PDE6A: variants seen among roughly 807,000 people sequenced by gnomAD.
PDE6A encodes the protein phosphodiesterase 6A.
PDE6A carries 84 observed loss-of-function variants against 106.3 expected under a neutral mutation model. The observed-to-expected ratio is 0.79, with a 90% CI of 0.66 to 0.95. The LOEUF (loss-of-function observed/expected upper bound fraction) is 0.95. Ranked by LOEUF, PDE6A falls within the 40% of genes least tolerant of loss-of-function variation. The pLI is 0.00. For synonymous variants in PDE6A, 394 were observed against 386.6 expected, an observed-to-expected ratio of 1.02 and a Z score of -0.23; for missense variants, 1,052 against 1,084.9, an observed-to-expected ratio of 0.97 and a Z score of 0.43.
intron 1 of PDE6A, chr5:149,939,925 C>G (rs1249169069): frequency 6.8e-6 from 1 of 147,664 alleles, no homozygotes; most frequent in Non-Finnish European, 1.5e-5. Context: ...CTGGCTGAAC[C>G]AACTAGTTAA....
intron 19 of PDE6A, chr5:149,867,165 C>A: frequency 5.2e-6 from 1 of 190,792 alleles, no homozygotes; most frequent in Non-Finnish European, 1.1e-5. Flanking sequence ...TTTCCAAACC[C>A]TGCTTTACTT....
intron 5 of PDE6A, among the ~76,000 whole-genome samples, chr5:149,916,653 C>T (rs1284513547): frequency 6.6e-6 from 1 of 152,210 alleles, no homozygotes; most frequent in African/African-American, 2.4e-5. Flanking sequence ...ATTCCCCTAG[C>T]TCTCCAGGGG....
intron 4 of PDE6A, among the ~76,000 whole-genome samples, chr5:149,928,496 A>G (rs1753937144): frequency 6.6e-6 from 1 of 151,776 alleles, no homozygotes; most frequent in African/African-American, 2.4e-5. Context: ...TCGGCCTCCC[A>G]AAGTGTTGGG....
intron 4 of PDE6A, among the ~76,000 whole-genome samples, chr5:149,929,575 C>G (rs1007891038): frequency 6.6e-6 from 1 of 150,916 alleles, no homozygotes; most frequent in African/African-American, 2.5e-5. Context: ...CCACTGCACT[C>G]CAGCCTGGGT....
intron 17 of PDE6A, among the ~76,000 whole-genome samples, chr5:149,868,831 C>T (rs1027925581): frequency 5.9e-5 from 9 of 152,110 alleles, no homozygotes; most frequent in Non-Finnish European, 7.3e-5. Context: ...CCATTGGAGG[C>T]AATATACTCC....
intron 15 of PDE6A, 83 bp from the exon 16 acceptor site, chr5:149,884,662 A>G (rs1581166722): frequency 1.4e-6 from 2 of 1,411,470 alleles, no homozygotes; most frequent in East Asian, 4.6e-5. Context: ...ACCCCAGATG[A>G]TGGCAGAGGC....
intron 5 of PDE6A, among the ~76,000 whole-genome samples, chr5:149,917,015 G>A (rs1415865944): frequency 6.6e-6 from 1 of 151,440 alleles, no homozygotes; most frequent in African/African-American, 2.4e-5. Context: ...GACTGAGTTA[G>A]ATCAGGTCTG....
chr5:149,913,172 A>G, intron 6 of PDE6A, among the ~76,000 whole-genome samples: 1 of 152,184 alleles, frequency 6.6e-6, no homozygotes, highest in East Asian at 1.9e-4. Flanking sequence ...ACTTGAGGTC[A>G]GGAGTTTGAG....
At chr5:149,923,802 T>C (rs1753801449) in intron 4 of PDE6A, among the ~76,000 whole-genome samples, 1 of 152,170 alleles carries the variant, frequency 6.6e-6, no homozygotes, top group African/African-American at 2.4e-5. Flanking sequence ...CCAGTGCCCT[T>C]TCTGTTCATT....
At chr5:149,928,526 G>A (rs1052171025) in intron 4 of PDE6A, among the ~76,000 whole-genome samples, 9 of 151,998 alleles carry the variant, frequency 5.9e-5, no homozygotes, top group South Asian at 2.1e-4. Flanking sequence ...GTGAGCCACC[G>A]CGCCCGGCCT....
At chr5:149,909,057 T>A (rs111545567) in intron 6 of PDE6A, among the ~76,000 whole-genome samples, 128 of 152,326 alleles carry the variant, frequency 8.4e-4, no homozygotes, top group African/African-American at 3.0e-3. Flanking sequence ...GATAGGGTCT[T>A]ACTGTGTTGT....
Position 149,939,595 on chromosome 5 carries a change from T to C in PDE6A, c.474+4605A>G, listed in dbSNP as rs1206829725. Among the ~76,000 whole-genome samples, 3 of 152,306 alleles carry C rather than the reference T, an allele frequency of 2.0e-5. No individual in the cohort carries two copies. In the East Asian group the frequency reaches 5.8e-4, roughly 29 times the overall value. ...GAGCTGCCAATAGGAGCCATTACGGTGTGCCAAGAACACTGCTGATGAGAT... is the reference window on the plus strand; with the variant it reads ...GAGCTGCCAATAGGAGCCATTACGGCGTGCCAAGAACACTGCTGATGAGAT... On this transcript the variant is annotated intron_variant, in intron 1 of 21. Transcript: ENST00000255266.
chr5:149,870,867 GAGAA>G (rs1475717952), intron 17 of PDE6A, among the ~76,000 whole-genome samples: 5 of 136,454 alleles, frequency 3.7e-5, no homozygotes, highest in Admixed American at 1.4e-4. Context: ...GAAAGAGAAA[GAGAA>G]AGAAAGAGAA....
chr5:149,861,818 A>C (rs1760156159), intron 21 of PDE6A, among the ~76,000 whole-genome samples: 1 of 152,206 alleles, frequency 6.6e-6, no homozygotes, highest in African/African-American at 2.4e-5. Context: ...GTATTTTTTT[A>C]TCTGAAGGCC....
chr5:149,933,793 A>G (rs761603064), intron 3 of PDE6A, 137 bp downstream of exon 3: 91 of 695,184 alleles, frequency 1.3e-4, no homozygotes, highest in African/African-American at 1.2e-3. Flanking sequence ...GACAACCACT[A>G]CCTCATAACA....
rs573141560 is a variant in PDE6A at position 149,911,804 on chromosome 5, C to A, written c.998+3139G>T. 2.1e-4 allele frequency among the ~76,000 whole-genome samples: 30 copies of A among 143,034 alleles called. 1 individual carries two copies. In the South Asian group the frequency reaches 6.6e-3, roughly 32 times the overall value. The allele number at this position is 143,034 out of a possible 152,430, so 93.8% of individuals were successfully genotyped here. ...GCTTGAGCTCAGGAGTTTGAAGAAG[C>A]CAGCCTGGGCAACATGGTGAGACCC... On this transcript the variant is annotated intron_variant, in intron 6 of 21. Transcript: ENST00000255266.
chr5:149,920,968 A>AAG (rs1647220964), intron 5 of PDE6A, among the ~76,000 whole-genome samples: 1 of 130,696 alleles, frequency 7.7e-6, no homozygotes, highest in Admixed American at 7.5e-5. Flanking sequence ...GAAAGAAAGA[A>AAG]AGAAAGAAAG....
rs745322421 is a variant in PDE6A, at chr5:149,944,668, G to A, written c.6C>T (p.Gly2=). 10 of 1,604,690 alleles carry A rather than the reference G, an allele frequency of 6.2e-6. No homozygotes were observed. In the Admixed American group the frequency reaches 8.6e-5, roughly 14 times the overall value. Residue 2 remains glycine, a synonymous_variant, in exon 1 of 22, where the codon GGC becomes GGT. Coordinates refer to ENST00000255266, the MANE Select transcript of PDE6A (RefSeq NM_000440.3). ...TCTCCACCTCCTCTGCTGTCACCTCGCCCATGGCTGGGAATCCCACTGGCT... is the reference window on the plus strand; with the variant it reads ...TCTCCACCTCCTCTGCTGTCACCTCACCCATGGCTGGGAATCCCACTGGCT... The part of the protein sequence containing the change: M[G]EVTAEEVEKF...
chr5:149,923,955 A>G (rs528388291), intron 4 of PDE6A, among the ~76,000 whole-genome samples: 1 of 152,292 alleles, frequency 6.6e-6, no homozygotes, highest in East Asian at 1.9e-4. Context: ...AGCAGAAGGG[A>G]AGCCACATGA....
Sources: allele counts gnomAD v4.1 joint callset (sites outside exome capture counted in the v4.1 genomes callset), GRCh38; gene constraint gnomAD v4.1.1; transcripts MANE v1.5; gene names NCBI Gene and HGNC (gene_info 2026-07-23, HGNC 2026-07-21).